The following PKD1L1 variants were observed in gnomAD, a reference collection of about 807,000 sequenced individuals.
PKD1L1 encodes the protein polycystin-1-like protein 1.
PKD1L1 carries 236 observed loss-of-function variants against 323.4 expected under a neutral mutation model. The ratio of observed to expected loss-of-function variants is 0.73; its 90% CI spans 0.66 to 0.81. The LOEUF (loss-of-function observed/expected upper bound fraction) is 0.81. Among genes scored for constraint, PKD1L1 ranks in the 40% least tolerant of loss-of-function variants. The pLI is 0.00. For missense variants in PKD1L1, 3,320 were observed against 3,508.0 expected, an observed-to-expected ratio of 0.95 and a Z score of 1.35; for synonymous variants, 1,344 against 1,335.0, an observed-to-expected ratio of 1.01 and a Z score of -0.15.
intron 4 of PKD1L1, among the ~76,000 whole-genome samples, chr7:47,934,735 C>T (rs1156952571): frequency 1.3e-5 from 2 of 152,114 alleles, no homozygotes; most frequent in Non-Finnish European, 2.9e-5. Flanking sequence ...AAGTAAAGGG[C>T]CTCAGAACAG....
chr7:47,794,222 G>T (rs143149067), intron 55 of PKD1L1, among the ~76,000 whole-genome samples: 7 of 152,122 alleles, frequency 4.6e-5, no homozygotes, highest in Admixed American at 6.5e-5. Flanking sequence ...GGAAAATGTC[G>T]CCAAGTCATG....
chr7:47,881,190 C>T (rs17131904), intron 20 of PKD1L1, among the ~76,000 whole-genome samples: 37,192 of 151,884 alleles, frequency 0.24, 5,578 homozygotes, highest in African/African-American at 0.42. Flanking sequence ...CTGCAGAATA[C>T]TGGTTATGGA....
intron 48 of PKD1L1, 49 bp from the exon 49 acceptor site, chr7:47,813,342 T>C: frequency 6.3e-7 from 1 of 1,599,934 alleles, no homozygotes; most frequent in Non-Finnish European, 8.5e-7. Flanking sequence ...TTCCCAAGGC[T>C]ACCCTGCAAT....
At chr7:47,885,581 C>T in intron 18 of PKD1L1, 105 bp downstream of exon 18, 4 of 1,428,318 alleles carry the variant, frequency 2.8e-6, no homozygotes, top group Non-Finnish European at 3.8e-6. Flanking sequence ...GATTTAAAGG[C>T]CCATGTTGAT....
At chr7:47,826,633 G>A (rs188260068) in intron 45 of PKD1L1, among the ~76,000 whole-genome samples, 8 of 152,256 alleles carry the variant, frequency 5.3e-5, no homozygotes, top group South Asian at 2.1e-4. Context: ...GTAGGAGACC[G>A]AATTCATGTT....
At chr7:47,822,953 CTT>C (rs34162840) in intron 45 of PKD1L1, among the ~76,000 whole-genome samples, 6,409 of 146,926 alleles carry the variant, frequency 0.044, 283 homozygotes, top group East Asian at 0.19. Context: ...TTCCAGAACC[CTT>C]TTTTTTTTTG....
At chr7:47,895,042 A>C (rs1385790497) in intron 14 of PKD1L1, among the ~76,000 whole-genome samples, 1 of 152,098 alleles carries the variant, frequency 6.6e-6, no homozygotes, top group Non-Finnish European at 1.5e-5. Flanking sequence ...TTCCACCTTC[A>C]ACCTCTGTTT....
At chr7:47,879,126 G>C (rs1472318708) in intron 21 of PKD1L1, among the ~76,000 whole-genome samples, 1 of 152,214 alleles carries the variant, frequency 6.6e-6, no homozygotes, top group Non-Finnish European at 1.5e-5. Flanking sequence ...AAACGTGGAA[G>C]GGGCAGGCAG....
intron 31 of PKD1L1, among the ~76,000 whole-genome samples, chr7:47,848,749 G>A (rs988537113): frequency 6.6e-6 from 1 of 152,174 alleles, no homozygotes; most frequent in Non-Finnish European, 1.5e-5. Context: ...AGGTTGTGGT[G>A]AGCCAAGATC....
At chr7:47,893,215 G>T (rs1001337938) in intron 15 of PKD1L1, among the ~76,000 whole-genome samples, 19 of 133,870 alleles carry the variant, frequency 1.4e-4, no homozygotes, top group Non-Finnish European at 2.0e-4. Flanking sequence ...GGGTGACAGA[G>T]TGAGACCCTA....
At position 47,886,012 on chromosome 7, in the gene PKD1L1, A is replaced by T. The variant is rs1218179436; in HGVS notation, c.2879T>A (p.Leu960His). The change falls in exon 18 of 57, where the codon CTC becomes CAC. Residue 960 changes from leucine (L) to histidine (H), a missense_variant. Physicochemically the swap from Leu to His is moderately conservative, Grantham distance 99 (BLOSUM62 -3). Coordinates refer to ENST00000289672, the MANE Select transcript of PKD1L1 (RefSeq NM_138295.5). ...CTGTGATGACTCTGAAATGGCACCG[A>T]GTCCCAGCGAGCCAAGCAGCCCCAC... is the stretch of plus-strand genomic sequence containing the variant. ...RVVGLLGSLG[L>H]GAISESSQLN... The T allele has an allele frequency of 1.9e-6, 3 of 1,614,070 alleles. No individual in the cohort carries two copies. In the African/African-American group the frequency reaches 4.0e-5, roughly 22 times the overall value.
At chr7:47,789,126 C>T (rs1006404393) in intron 56 of PKD1L1, among the ~76,000 whole-genome samples, 2 of 152,140 alleles carry the variant, frequency 1.3e-5, no homozygotes, top group African/African-American at 2.4e-5. Flanking sequence ...CATTCGGAAG[C>T]TTTTCTTCTG....
intron 7 of PKD1L1, among the ~76,000 whole-genome samples, chr7:47,928,253 T>C (rs1787691573): frequency 6.6e-6 from 1 of 152,162 alleles, no homozygotes; most frequent in Non-Finnish European, 1.5e-5. Flanking sequence ...AATGTATATG[T>C]TCAAAAAGTA....
intron 52 of PKD1L1, among the ~76,000 whole-genome samples, chr7:47,803,679 T>C (rs1010532524): frequency 1.3e-5 from 2 of 152,230 alleles, no homozygotes; most frequent in African/African-American, 4.8e-5. Context: ...CTCAGTCTAC[T>C]GGGCTATAAG....
intron 56 of PKD1L1, among the ~76,000 whole-genome samples, chr7:47,783,859 C>T (rs1476396360): frequency 6.6e-6 from 1 of 152,188 alleles, no homozygotes; most frequent in East Asian, 1.9e-4. Flanking sequence ...TTTACATATT[C>T]TTTTGGGAAA....
At chr7:47,881,618 A>G (rs904185641) in intron 20 of PKD1L1, among the ~76,000 whole-genome samples, 16 of 152,330 alleles carry the variant, frequency 1.1e-4, no homozygotes, top group Non-Finnish European at 2.1e-4. Context: ...AGGCTGTCAC[A>G]GAAAAGGTGC....
At chr7:47,902,594 T>C (rs1787117166) in intron 12 of PKD1L1, 83 bp from the exon 13 acceptor site, 2 of 1,469,310 alleles carry the variant, frequency 1.4e-6, no homozygotes, top group Non-Finnish European at 1.9e-6. Context: ...CCCACTCATA[T>C]CTGCAGAATT....
At chr7:47,877,342 C>G in intron 22 of PKD1L1, 147 bp downstream of exon 22, 2 of 1,186,634 alleles carry the variant, frequency 1.7e-6, no homozygotes, top group East Asian at 4.8e-5. Context: ...TCATGCCTAA[C>G]CAACTTTCCA....
intron 16 of PKD1L1, among the ~76,000 whole-genome samples, chr7:47,889,220 C>G (rs1472966292): frequency 1.3e-5 from 2 of 152,106 alleles, no homozygotes; most frequent in Non-Finnish European, 2.9e-5. Flanking sequence ...TAGGCCTGGA[C>G]CTTCCTGACA....
Sources: gnomAD v4.1 joint callset for allele counts (sites outside exome capture counted in the v4.1 genomes callset) on GRCh38, gnomAD v4.1.1 for gene constraint, MANE v1.5 for transcripts, NCBI Gene and HGNC (gene_info 2026-07-23, HGNC 2026-07-21) for gene names.